SORBS2: variants seen among roughly 807,000 people sequenced by gnomAD.
SORBS2 encodes sorbin and SH3 domain-containing protein 2.
A neutral mutation model predicts 97.7 loss-of-function variants in SORBS2; 46 were observed. The ratio of observed to expected loss-of-function variants is 0.47; its 90% CI spans 0.37 to 0.60. The LOEUF (loss-of-function observed/expected upper bound fraction) is 0.60. SORBS2 is among the 20% of genes least tolerant of loss of function. The pLI is 0.00. For synonymous variants in SORBS2, 476 were observed against 473.4 expected, an observed-to-expected ratio of 1.01 and a Z score of -0.07; for missense variants, 1,316 against 1,282.3, an observed-to-expected ratio of 1.03 and a Z score of -0.40.
At chr4:185,656,852 T>G (rs984796314) in exon 1 of SORBS2, 1 of 1,333,982 alleles carries the variant, frequency 7.5e-7, no homozygotes. Flanking sequence ...CCAGGAGAGC[T>G]CTCAGCAGGC....
At chr4:185,615,380 C>T (rs1030206394) in intron 9 of SORBS2, among the ~76,000 whole-genome samples, 2 of 152,148 alleles carry the variant, frequency 1.3e-5, no homozygotes, top group African/African-American at 4.8e-5. Flanking sequence ...TAAGTATAAA[C>T]ATTCCATTGG....
intron 1 of SORBS2, among the ~76,000 whole-genome samples, chr4:185,892,488 A>ATATTTGGCTATG: frequency 6.6e-6 from 1 of 152,246 alleles, no homozygotes; most frequent in East Asian, 1.9e-4. Flanking sequence ...CAGCAACCTT[A>ATATTTGGCTATG]TTCACAATAG....
At chr4:185,696,968 G>A (rs2098184245) in intron 2 of SORBS2, among the ~76,000 whole-genome samples, 1 of 152,090 alleles carries the variant, frequency 6.6e-6, no homozygotes, top group South Asian at 2.1e-4. Context: ...CATAAGTCAG[G>A]CACCTTATCA....
At chr4:185,665,523 A>C (rs1363396771) in intron 4 of SORBS2, among the ~76,000 whole-genome samples, 1 of 152,378 alleles carries the variant, frequency 6.6e-6, no homozygotes, top group South Asian at 2.1e-4. Context: ...AGTAACTATA[A>C]GTAATTCTAA....
At chr4:185,630,311 A>G (rs1277346585) in intron 5 of SORBS2, among the ~76,000 whole-genome samples, 1 of 152,174 alleles carries the variant, frequency 6.6e-6, no homozygotes, top group African/African-American at 2.4e-5. Context: ...GACTAAGGGA[A>G]GAGAAGGATT....
chr4:185,817,603 C>T (rs1484495275), intron 1 of SORBS2, among the ~76,000 whole-genome samples: 1 of 152,196 alleles, frequency 6.6e-6, no homozygotes, highest in East Asian at 1.9e-4. Context: ...TGCCACCCTA[C>T]CCAGTGCAGA....
chr4:185,627,299 T>A (rs907034307), intron 5 of SORBS2, among the ~76,000 whole-genome samples: 1 of 152,158 alleles, frequency 6.6e-6, no homozygotes, highest in Non-Finnish European at 1.5e-5. Flanking sequence ...AGCCCCAAAC[T>A]CCTGGGCTCA....
At chr4:185,797,294 C>G (rs2099109401) in intron 1 of SORBS2, among the ~76,000 whole-genome samples, 1 of 152,232 alleles carries the variant, frequency 6.6e-6, no homozygotes, top group South Asian at 2.1e-4. Context: ...CACCTTAGTT[C>G]ATGCCCAAGT....
intron 12 of SORBS2, among the ~76,000 whole-genome samples, chr4:185,600,913 T>C (rs1469050388): frequency 6.6e-6 from 1 of 152,124 alleles, no homozygotes; most frequent in Non-Finnish European, 1.5e-5. Context: ...TTGGTGTTTT[T>C]TTTTTATTTT....
chr4:185,885,287 C>T (rs1395431120), intron 1 of SORBS2, among the ~76,000 whole-genome samples: 2 of 152,224 alleles, frequency 1.3e-5, no homozygotes, highest in Non-Finnish European at 2.9e-5. Context: ...CGCTCTTGTG[C>T]TTTCACATTT....
chr4:185,709,643 T>C (rs1261235437), intron 2 of SORBS2, among the ~76,000 whole-genome samples: 1 of 152,134 alleles, frequency 6.6e-6, no homozygotes, highest in Non-Finnish European at 1.5e-5. Context: ...CTTTAATGCC[T>C]GTGGCCATCT....
intron 1 of SORBS2, among the ~76,000 whole-genome samples, chr4:185,820,404 C>A (rs2099196034): frequency 6.6e-6 from 1 of 152,208 alleles, no homozygotes; most frequent in Admixed American, 6.5e-5. Context: ...GTTTCCTATT[C>A]TCTCGGCAGC....
chr4:185,626,332 C>T (rs2096813024), intron 6 of SORBS2, among the ~76,000 whole-genome samples: 1 of 152,210 alleles, frequency 6.6e-6, no homozygotes, highest in South Asian at 2.1e-4. Flanking sequence ...CCAAAATATA[C>T]AGCAAATGGC....
chr4:185,860,855 G>A (rs10020233), intron 1 of SORBS2, among the ~76,000 whole-genome samples: 41,926 of 151,984 alleles, frequency 0.28, 6,054 homozygotes, highest in East Asian at 0.55. Context: ...ATAAGAGGTC[G>A]TGGAAACCAA....
chr4:185,914,772 C>T (rs188691571), intron 1 of SORBS2, among the ~76,000 whole-genome samples: 13 of 152,332 alleles, frequency 8.5e-5, no homozygotes, highest in Admixed American at 3.9e-4. Context: ...CCTGCACGGC[C>T]CTTGCCCTCT....
intron 4 of SORBS2, among the ~76,000 whole-genome samples, chr4:185,631,761 T>A (rs1204121108): frequency 2.1e-5 from 3 of 145,980 alleles, no homozygotes; most frequent in Non-Finnish European, 3.0e-5. Context: ...AAACCCCATC[T>A]CAAAAAAACA....
chr4:185,953,554 G>A (rs1341083940), intron 1 of SORBS2, among the ~76,000 whole-genome samples: 1 of 152,162 alleles, frequency 6.6e-6, no homozygotes, highest in Non-Finnish European at 1.5e-5. Flanking sequence ...AGGCTTCAGA[G>A]CATTAAATCC....
At chr4:185,881,823 T>C (rs1165668496) in intron 1 of SORBS2, among the ~76,000 whole-genome samples, 1 of 152,020 alleles carries the variant, frequency 6.6e-6, no homozygotes, top group Admixed American at 6.6e-5. Context: ...CATTAGGAGG[T>C]AGGGGAAGAA....
chr4:185,839,969 G>A (rs1445816430), intron 1 of SORBS2, among the ~76,000 whole-genome samples: 3 of 147,860 alleles, frequency 2.0e-5, no homozygotes, highest in South Asian at 2.3e-4. Flanking sequence ...GTAGGATATC[G>A]TCAGCCTCTC....
Sources: gnomAD v4.1 joint callset for allele counts (sites outside exome capture counted in the v4.1 genomes callset) on GRCh38, gnomAD v4.1.1 for gene constraint, MANE v1.5 for transcripts, NCBI Gene and HGNC (gene_info 2026-07-23, HGNC 2026-07-21) for gene names.